The following CDH13 variants were observed in gnomAD, a reference collection of about 807,000 sequenced individuals.
CDH13 encodes the protein cadherin-13.
A neutral mutation model predicts 63.8 loss-of-function variants in CDH13; 24 were observed. The observed-to-expected ratio is 0.38, with a 90% CI of 0.27 to 0.53. The LOEUF (loss-of-function observed/expected upper bound fraction) is 0.53. Among genes scored for constraint, CDH13 ranks in the 20% least tolerant of loss-of-function variants. The probability of loss-of-function intolerance (pLI) is 0.85; values close to 1 mark genes in which losing one functional copy is unlikely to be tolerated. For synonymous variants in CDH13, 503 were observed against 355.3 expected (o/e 1.42, Z -4.67); for missense variants, 1,049 against 903.1 (o/e 1.16, Z -2.07).
chr16:83,135,270 A>G (rs985932275), intron 4 of CDH13, among the ~76,000 whole-genome samples: 9 of 152,210 alleles, frequency 5.9e-5, no homozygotes, highest in African/African-American at 2.2e-4. Flanking sequence ...AAGAACGGCA[A>G]TGCTGAGACC....
At chr16:83,761,004 C>A (rs1913923361) in intron 11 of CDH13, among the ~76,000 whole-genome samples, 1 of 152,198 alleles carries the variant, frequency 6.6e-6, no homozygotes, top group African/African-American at 2.4e-5. Flanking sequence ...CCCTACCATG[C>A]TTTGCAACGG....
At chr16:82,670,821 C>G (rs1259000622) in intron 1 of CDH13, among the ~76,000 whole-genome samples, 3 of 152,188 alleles carry the variant, frequency 2.0e-5, no homozygotes, top group African/African-American at 7.2e-5. Flanking sequence ...TTCAGAACAT[C>G]TGGCCCTAAT....
chr16:83,044,015 C>T (rs937950242), intron 3 of CDH13, among the ~76,000 whole-genome samples: 17 of 152,114 alleles, frequency 1.1e-4, no homozygotes, highest in Non-Finnish European at 1.8e-4. Flanking sequence ...ATAGGATGCT[C>T]TACAGTTCTA....
chr16:82,765,049 C>T (rs1300521603), intron 1 of CDH13, among the ~76,000 whole-genome samples: 2 of 152,178 alleles, frequency 1.3e-5, no homozygotes, highest in Admixed American at 6.5e-5. Context: ...CTCCTGACCT[C>T]AGATGATCTG....
chr16:82,748,334 G>T (rs144409744), intron 1 of CDH13, among the ~76,000 whole-genome samples: 1 of 152,318 alleles, frequency 6.6e-6, no homozygotes, highest in Non-Finnish European at 1.5e-5. Flanking sequence ...TATGCAGAGT[G>T]TGTTTTGCTT....
At chr16:83,500,313 TC>T (rs2074246197) in intron 7 of CDH13, among the ~76,000 whole-genome samples, 1 of 1,484 alleles carries the variant, frequency 6.7e-4, no homozygotes, top group Admixed American at 0.023. Context: ...CTTCTCCTTC[TC>T]CTTCTCCTCC....
chr16:83,482,679 C>T (rs533238142), intron 6 of CDH13, among the ~76,000 whole-genome samples: 1 of 152,184 alleles, frequency 6.6e-6, no homozygotes, highest in Non-Finnish European at 1.5e-5. Context: ...GGTTGGGGTT[C>T]AAAGTAAAGC....
intron 10 of CDH13, among the ~76,000 whole-genome samples, chr16:83,683,431 C>A (rs1461675762): frequency 1.3e-5 from 2 of 152,204 alleles, no homozygotes; most frequent in South Asian, 2.1e-4. Flanking sequence ...CTCCCTCAAT[C>A]ACGTATGTGA....
At chr16:83,471,221 G>T (rs911436454) in intron 6 of CDH13, among the ~76,000 whole-genome samples, 2 of 149,082 alleles carry the variant, frequency 1.3e-5, no homozygotes, top group Non-Finnish European at 3.0e-5. Flanking sequence ...GATATTCACA[G>T]TTGTTGGGGA....
At chr16:82,915,649 C>T (rs937007797) in intron 2 of CDH13, among the ~76,000 whole-genome samples, 1 of 151,870 alleles carries the variant, frequency 6.6e-6, no homozygotes, top group East Asian at 1.9e-4. Flanking sequence ...GGGCTGTGGT[C>T]TTATCTACTG....
chr16:83,279,075 G>T (rs1452906355), intron 5 of CDH13, among the ~76,000 whole-genome samples: 1 of 151,386 alleles, frequency 6.6e-6, no homozygotes, highest in African/African-American at 2.4e-5. Flanking sequence ...TTTTGTGCAG[G>T]TTCGTCTCAT....
At chr16:82,691,374 A>C (rs1175550490) in intron 1 of CDH13, among the ~76,000 whole-genome samples, 1 of 152,192 alleles carries the variant, frequency 6.6e-6, no homozygotes, top group African/African-American at 2.4e-5. Flanking sequence ...GTGGGACTTG[A>C]TGCAAAATCC....
chr16:83,394,964 A>G (rs747464263), intron 6 of CDH13, among the ~76,000 whole-genome samples: 2 of 152,078 alleles, frequency 1.3e-5, no homozygotes, highest in African/African-American at 2.4e-5. Context: ...CCTGGCCAAC[A>G]TGGTGAAATC....
chr16:83,360,333 A>C (rs569402661), intron 6 of CDH13, among the ~76,000 whole-genome samples: 1 of 152,230 alleles, frequency 6.6e-6, no homozygotes, highest in Non-Finnish European at 1.5e-5. Context: ...TATGAGAATT[A>C]AATGAGATAA....
At chr16:83,352,221 T>G (rs557596041) in intron 6 of CDH13, among the ~76,000 whole-genome samples, 118 of 151,886 alleles carry the variant, frequency 7.8e-4, no homozygotes, top group Admixed American at 3.3e-4. Flanking sequence ...ACACGTTTTA[T>G]GAAAGAGTTG....
intron 3 of CDH13, among the ~76,000 whole-genome samples, chr16:83,098,132 C>T (rs1170141987): frequency 6.6e-6 from 1 of 152,168 alleles, no homozygotes; most frequent in Non-Finnish European, 1.5e-5. Context: ...TGAGACCAAA[C>T]AGAAAAGTGT....
intron 4 of CDH13, among the ~76,000 whole-genome samples, chr16:83,216,404 A>ATG (rs1567513783): frequency 5.3e-5 from 3 of 56,514 alleles, no homozygotes; most frequent in African/African-American, 2.4e-4. Context: ...TGAAATATAT[A>ATG]TATATATATA....
intron 6 of CDH13, among the ~76,000 whole-genome samples, chr16:83,438,621 A>G (rs928277897): frequency 3.3e-5 from 5 of 152,212 alleles, no homozygotes; most frequent in African/African-American, 4.8e-5. Flanking sequence ...AAAAGCAATA[A>G]TACAAAATAC....
chr16:83,344,878 CTGA>C lies in CDH13; in HGVS notation c.656_658del (p.Asp219del). 6.2e-7 allele frequency: 1 copy of C among 1,613,880 alleles called. No individual in the cohort carries two copies. Among genetic ancestry groups the C allele is most frequent in the Non-Finnish European group, 8.5e-7 (1 of 1,179,778 alleles). On this transcript the variant is annotated inframe_deletion, in exon 6 of 14. Transcript: ENST00000567109. The stretch of plus-strand genomic sequence containing the variant: ...CTCAAATAGCTATTTGTGGAGACCA[CTGA>C]TGTCAATGGCAAAACTCTCGAGGGG...
Sources: allele counts gnomAD v4.1 joint callset (sites outside exome capture counted in the v4.1 genomes callset), GRCh38; gene constraint gnomAD v4.1.1; transcripts MANE v1.5; gene names NCBI Gene and HGNC (gene_info 2026-07-23, HGNC 2026-07-21).